Variants in SDK1 observed in about 807,000 individuals in gnomAD.
SDK1 encodes the protein protein sidekick-1.
Under a neutral mutation model 245.5 loss-of-function variants are expected in SDK1, and 157 were observed. That is an observed-to-expected ratio of 0.64 (90% CI 0.56 to 0.73). SDK1 has a LOEUF of 0.73. Ranked by LOEUF, SDK1 falls within the 30% of genes least tolerant of loss-of-function variation. The pLI, the probability that SDK1 is intolerant of heterozygous loss-of-function variation, is 0.00. For synonymous variants in SDK1, 1,647 were observed against 1,278.5 expected, an observed-to-expected ratio of 1.29 and a Z score of -6.15; for missense variants, 3,583 against 3,002.3, an observed-to-expected ratio of 1.19 and a Z score of -4.52.
chr7:3,817,523 C>G (rs776903417), intron 4 of SDK1, among the ~76,000 whole-genome samples: 4 of 152,212 alleles, frequency 2.6e-5, no homozygotes, highest in Non-Finnish European at 4.4e-5. Context: ...TATGCAGTGC[C>G]CAGTGGGCTG....
chr7:3,986,648 C>T (rs1394085932), intron 13 of SDK1, among the ~76,000 whole-genome samples: 4 of 152,180 alleles, frequency 2.6e-5, no homozygotes, highest in East Asian at 1.9e-4. Context: ...ATCACAAGGT[C>T]AGGAGTTCAA....
intron 1 of SDK1, among the ~76,000 whole-genome samples, chr7:3,562,951 A>G (rs1385743210): frequency 2.0e-5 from 3 of 151,566 alleles, no homozygotes; most frequent in African/African-American, 4.9e-5. Flanking sequence ...TCCCCTGGCA[A>G]AGTTCATTGA....
At chr7:3,609,755 C>T (rs572879114) in intron 1 of SDK1, among the ~76,000 whole-genome samples, 3 of 142,598 alleles carry the variant, frequency 2.1e-5, no homozygotes, top group Non-Finnish European at 4.5e-5. Context: ...GGCTAGAGTG[C>T]AGTGGCACGA....
chr7:3,716,806 G>C (rs770110617), intron 4 of SDK1, among the ~76,000 whole-genome samples: 1 of 150,798 alleles, frequency 6.6e-6, no homozygotes, highest in Non-Finnish European at 1.5e-5. Context: ...ATCAAACTAA[G>C]GAAAAATCAG....
chr7:4,024,513 T>G (rs996193483), intron 17 of SDK1, among the ~76,000 whole-genome samples: 1 of 152,238 alleles, frequency 6.6e-6, no homozygotes, highest in Non-Finnish European at 1.5e-5. Flanking sequence ...TGGGCTTCCT[T>G]TGGTCTTTTA....
At chr7:3,406,727 T>TGACCA in intron 1 of SDK1, among the ~76,000 whole-genome samples, 1 of 152,168 alleles carries the variant, frequency 6.6e-6, no homozygotes, top group South Asian at 2.1e-4. Flanking sequence ...ATCAGACTTT[T>TGACCA]TGAATGCTGG....
At chr7:3,406,750 C>A (rs552446303) in intron 1 of SDK1, among the ~76,000 whole-genome samples, 1 of 152,116 alleles carries the variant, frequency 6.6e-6, no homozygotes, top group Non-Finnish European at 1.5e-5. Context: ...AAAGCATGCA[C>A]AATGTCCATG....
At chr7:4,170,818 C>T (rs1429607089) in intron 32 of SDK1, among the ~76,000 whole-genome samples, 7 of 152,094 alleles carry the variant, frequency 4.6e-5, no homozygotes, top group South Asian at 4.2e-4. Context: ...GCAGGACTGG[C>T]GGCCCGGCAT....
chr7:3,932,009 T>C (rs576836781), intron 5 of SDK1, among the ~76,000 whole-genome samples: 1 of 152,282 alleles, frequency 6.6e-6, no homozygotes, highest in Admixed American at 6.5e-5. Flanking sequence ...TGTTCATTGG[T>C]TTGGATTGAT....
At chr7:4,129,830 A>G (rs1304462025) in intron 26 of SDK1, 78 bp from the exon 27 acceptor site, 7 of 1,582,322 alleles carry the variant, frequency 4.4e-6, no homozygotes, top group Non-Finnish European at 5.2e-6. Context: ...TGATTCACGA[A>G]GGGGGCCTGC....
intron 1 of SDK1, among the ~76,000 whole-genome samples, chr7:3,456,833 G>A (rs893816423): frequency 6.6e-6 from 1 of 152,152 alleles, no homozygotes; most frequent in Non-Finnish European, 1.5e-5. Flanking sequence ...ACTTAAACCT[G>A]TTATTTTAGC....
chr7:3,371,713 C>A (rs1302847333), intron 1 of SDK1, among the ~76,000 whole-genome samples: 1 of 152,028 alleles, frequency 6.6e-6, no homozygotes, highest in Non-Finnish European at 1.5e-5. Context: ...TGGGTAAATA[C>A]GAAAGGTAGA....
intron 22 of SDK1, among the ~76,000 whole-genome samples, chr7:4,100,528 G>A (rs1361691987): frequency 6.6e-6 from 1 of 152,094 alleles, no homozygotes; most frequent in Non-Finnish European, 1.5e-5. Context: ...AGGCCTTTAG[G>A]AGGGGATGGG....
At chr7:3,694,248 T>A (rs1350584993) in intron 4 of SDK1, among the ~76,000 whole-genome samples, 1 of 152,182 alleles carries the variant, frequency 6.6e-6, no homozygotes, top group African/African-American at 2.4e-5. Context: ...CTCTTTGAGA[T>A]GTGAGAAAGG....
chr7:4,178,335 A>C, intron 34 of SDK1, 150 bp from the exon 35 acceptor site: 1 of 681,038 alleles, frequency 1.5e-6, no homozygotes, highest in Non-Finnish European at 2.6e-6. Context: ...CCCCGGTCAC[A>C]GTGGATGCAG....
chr7:4,072,651 G>C (rs1053956093), intron 20 of SDK1, among the ~76,000 whole-genome samples: 25 of 152,244 alleles, frequency 1.6e-4, no homozygotes, highest in African/African-American at 6.0e-4. Flanking sequence ...CTGGCTGCCG[G>C]TTTCTGGAAG....
intron 1 of SDK1, among the ~76,000 whole-genome samples, chr7:3,482,700 T>C (rs1461784909): frequency 6.6e-6 from 1 of 152,184 alleles, no homozygotes; most frequent in Non-Finnish European, 1.5e-5. Flanking sequence ...CAAGTAGTTG[T>C]GTACCCAGGC....
intron 5 of SDK1, among the ~76,000 whole-genome samples, chr7:3,919,931 G>C (rs1357944648): frequency 2.0e-5 from 3 of 152,120 alleles, no homozygotes; most frequent in Non-Finnish European, 4.4e-5. Context: ...GGCCACTAGA[G>C]TAAGCACCTG....
At position 4,267,449 on chromosome 7, in the gene SDK1, C is replaced by T; in HGVS notation, c.*2065C>T. The stretch of plus-strand genomic sequence containing the variant: ...TGCATGAGAATCGCAACCCACAGTT[C>T]CCCGGATGAGACTCACCACAGTGGA... On this transcript the variant is annotated 3_prime_UTR_variant, in exon 45 of 45. Coordinates refer to ENST00000404826, the MANE Select transcript of SDK1 (RefSeq NM_152744.4). 1.0e-6 allele frequency: 1 copy of T among 985,444 alleles called. No homozygotes were observed. The highest frequency in any genetic ancestry group is 1.2e-6 in the Non-Finnish European group (1 of 829,962). The allele number at this position is 985,444 out of a possible 1,614,324, so 61.0% of individuals were successfully genotyped here. A position where few individuals can be genotyped will look rare whatever the true frequency, so the allele number is the denominator to read the frequency against.
Sources: gnomAD v4.1 joint callset for allele counts (sites outside exome capture counted in the v4.1 genomes callset) on GRCh38, gnomAD v4.1.1 for gene constraint, MANE v1.5 for transcripts, NCBI Gene and HGNC (gene_info 2026-07-23, HGNC 2026-07-21) for gene names.